The following AGMO variants were observed in gnomAD, a reference collection of about 807,000 sequenced individuals.
The protein encoded by AGMO is glyceryl-ether monooxygenase.
A neutral mutation model predicts 60.2 loss-of-function variants in AGMO; 75 were observed. That is an observed-to-expected ratio of 1.25 (90% CI 1.03 to 1.51). The LOEUF (loss-of-function observed/expected upper bound fraction) is 1.51, where lower values mean the gene tolerates loss of function less well. Among genes scored for constraint, AGMO ranks in the 40% most tolerant of loss-of-function variants. The pLI is 0.00. For missense variants in AGMO, 763 were observed against 525.5 expected, an observed-to-expected ratio of 1.45 and a Z score of -4.42; for synonymous variants, 261 against 177.1, an observed-to-expected ratio of 1.47 and a Z score of -3.76.
intron 12 of AGMO, among the ~76,000 whole-genome samples, chr7:15,201,990 T>C (rs1406059387): frequency 1.3e-5 from 2 of 152,138 alleles, no homozygotes; most frequent in East Asian, 3.9e-4. Flanking sequence ...CTTTGCACCA[T>C]CAGATTTCCC....
At position 15,361,821 on chromosome 7, in the gene AGMO, A is replaced by G. The variant is rs191802784; in HGVS notation, c.1263+3693T>C. Among the ~76,000 whole-genome samples, 8 of 152,304 alleles carry G rather than the reference A, an allele frequency of 5.3e-5. No homozygotes were observed. In the East Asian group the frequency reaches 1.5e-3, roughly 29 times the overall value. On this transcript the variant is annotated intron_variant, in intron 12 of 12. Transcript: ENST00000342526. ...ACCTCCCAAATAATGTAGGAAGACTATTACCATGCAGACTTACTAAGTTTG... is the reference window on the plus strand; with the variant it reads ...ACCTCCCAAATAATGTAGGAAGACTGTTACCATGCAGACTTACTAAGTTTG...
At chr7:15,154,239 CCAAG>C in the AGMO span, among the ~76,000 whole-genome samples, 1 of 152,044 alleles carries the variant, frequency 6.6e-6, no homozygotes, top group Non-Finnish European at 1.5e-5. Context: ...TCAACAGTGA[CCAAG>C]CTGAGAATCA....
intron 10 of AGMO, among the ~76,000 whole-genome samples, chr7:15,381,269 C>G (rs368893550): frequency 6.6e-6 from 1 of 152,026 alleles, no homozygotes; most frequent in Admixed American, 6.6e-5. Flanking sequence ...AAAAGTTTTG[C>G]AAACTATGCA....
the AGMO span, among the ~76,000 whole-genome samples, chr7:15,193,358 T>G: frequency 6.6e-6 from 1 of 152,206 alleles, no homozygotes; most frequent in Non-Finnish European, 1.5e-5. Context: ...AAACAAAATT[T>G]ATCAAGTAAT....
intron 12 of AGMO, among the ~76,000 whole-genome samples, chr7:15,328,187 T>C (rs952089317): frequency 1.3e-5 from 2 of 152,058 alleles, no homozygotes; most frequent in Non-Finnish European, 2.9e-5. Flanking sequence ...AACCTCAGCC[T>C]CTCAGGTTCA....
At chr7:15,455,586 T>C (rs1656291298) in intron 3 of AGMO, among the ~76,000 whole-genome samples, 1 of 152,128 alleles carries the variant, frequency 6.6e-6, no homozygotes, top group Non-Finnish European at 1.5e-5. Flanking sequence ...AAATATTTCC[T>C]CTAGTCCACA....
the AGMO span, among the ~76,000 whole-genome samples, chr7:15,159,539 T>C: frequency 6.6e-6 from 1 of 152,182 alleles, no homozygotes; most frequent in Non-Finnish European, 1.5e-5. Context: ...AAAATAATTC[T>C]GTCATTGCCT....
intron 3 of AGMO, among the ~76,000 whole-genome samples, chr7:15,512,338 A>C (rs1783697306): frequency 6.6e-6 from 1 of 152,024 alleles, no homozygotes; most frequent in Admixed American, 6.6e-5. Context: ...ACCAACCTCC[A>C]CCTCCCAGGG....
At chr7:15,558,310 A>T (rs931344138) in intron 2 of AGMO, among the ~76,000 whole-genome samples, 1 of 152,048 alleles carries the variant, frequency 6.6e-6, no homozygotes, top group Non-Finnish European at 1.5e-5. Context: ...ATGCATTCCA[A>T]TTCAGTAAAA....
the AGMO span, among the ~76,000 whole-genome samples, chr7:15,121,266 G>A: frequency 6.6e-6 from 1 of 152,142 alleles, no homozygotes. Context: ...ATTGTAAATA[G>A]TGCTGCAATA....
At chr7:15,423,084 A>AATTC (rs1169407714) in intron 4 of AGMO, among the ~76,000 whole-genome samples, 1 of 138,430 alleles carries the variant, frequency 7.2e-6, no homozygotes. Flanking sequence ...TGGACTCTAG[A>AATTC]ATTCATGTCT....
At chr7:15,491,717 C>A (rs1012580771) in intron 3 of AGMO, among the ~76,000 whole-genome samples, 6 of 152,128 alleles carry the variant, frequency 3.9e-5, no homozygotes, top group African/African-American at 1.2e-4. Flanking sequence ...TTCACTCTTT[C>A]GCATTTGTGA....
intron 12 of AGMO, among the ~76,000 whole-genome samples, chr7:15,242,337 G>C (rs1320658805): frequency 6.6e-6 from 1 of 152,148 alleles, no homozygotes; most frequent in Non-Finnish European, 1.5e-5. Context: ...CTTCCAGATA[G>C]TGAGAACTAA....
chr7:15,482,970 G>T (rs1378804239), intron 3 of AGMO, among the ~76,000 whole-genome samples: 2 of 152,040 alleles, frequency 1.3e-5, no homozygotes, highest in African/African-American at 2.4e-5. Context: ...TGGAACAAAG[G>T]TAATTTCCTC....
chr7:15,273,332 A>T (rs150602086), intron 12 of AGMO, among the ~76,000 whole-genome samples: 1,833 of 152,302 alleles, frequency 0.012, 50 homozygotes, highest in African/African-American at 0.042. Context: ...ATCTAGTTTC[A>T]GCTTTCTACA....
chr7:15,381,377 C>T (rs867672980), intron 10 of AGMO, among the ~76,000 whole-genome samples: 1 of 151,814 alleles, frequency 6.6e-6, no homozygotes. Context: ...AGAACACGAA[C>T]CTTTCAAAAG....
the AGMO span, among the ~76,000 whole-genome samples, chr7:15,120,724 G>C: frequency 6.6e-6 from 1 of 151,740 alleles, no homozygotes; most frequent in Non-Finnish European, 1.5e-5. Flanking sequence ...CAGTATTTTA[G>C]TAAAGCGACC....
intron 12 of AGMO, among the ~76,000 whole-genome samples, chr7:15,253,711 TTCTC>T (rs1783013907): frequency 6.6e-6 from 1 of 152,202 alleles, no homozygotes; most frequent in Non-Finnish European, 1.5e-5. Context: ...ATACTGAAAA[TTCTC>T]TCTTCTAGCT....
At chr7:15,361,186 A>T (rs1004703397) in intron 12 of AGMO, among the ~76,000 whole-genome samples, 1 of 152,072 alleles carries the variant, frequency 6.6e-6, no homozygotes, top group Non-Finnish European at 1.5e-5. Context: ...TCTTTGACTG[A>T]AACTGTGACA....
Sources: gnomAD v4.1 joint callset for allele counts (sites outside exome capture counted in the v4.1 genomes callset) on GRCh38, gnomAD v4.1.1 for gene constraint, MANE v1.5 for transcripts, NCBI Gene and HGNC (gene_info 2026-07-23, HGNC 2026-07-21) for gene names.